Variants in RFPL2 observed in about 807,000 individuals in gnomAD.
RFPL2 encodes the protein ret finger protein like 2.
A neutral mutation model predicts 17.8 loss-of-function variants in RFPL2; 13 were observed. The observed-to-expected ratio is 0.73, with a 90% CI of 0.47 to 1.16. The LOEUF is 1.16. Ranked by LOEUF, RFPL2 falls within the 50% of genes most tolerant of loss-of-function variation. The probability of loss-of-function intolerance (pLI) is 0.00; values close to 1 mark genes in which losing one functional copy is unlikely to be tolerated. For synonymous variants in RFPL2, 189 were observed against 180.9 expected, an observed-to-expected ratio of 1.04 and a Z score of -0.36; for missense variants, 431 against 479.3, an observed-to-expected ratio of 0.90 and a Z score of 0.94.
At chr22:32,196,173 G>A (rs1923312684) in intron 2 of RFPL2, among the ~76,000 whole-genome samples, 1 of 152,192 alleles carries the variant, frequency 6.6e-6, no homozygotes, top group African/African-American at 2.4e-5. Context: ...TCCAGGCTGA[G>A]ACTCAGGTCT....
At position 32,193,323 on chromosome 22, in the gene RFPL2, G is replaced by A. The variant is rs867325607; in HGVS notation, c.266-131C>T. The A allele has an allele frequency of 3.8e-6, 6 of 1,588,792 alleles. No individual in the cohort carries two copies. The Middle Eastern group carries it at 5.1e-4, about 134-fold the overall frequency. ...TTTGTCACTCCGAGAATAAGACCATGAGTACAAACACTCAAGCACATCCCC... is the reference window on the plus strand; with the variant it reads ...TTTGTCACTCCGAGAATAAGACCATAAGTACAAACACTCAAGCACATCCCC... On this transcript the variant is annotated intron_variant, in intron 3 of 4. Coordinates refer to ENST00000652607, the MANE Select transcript of RFPL2 (RefSeq NM_001394555.1).
In RFPL2 at chr22:32,202,999, G is replaced by C. The variant is rs369098708; in HGVS notation, c.-99-449C>G. ...GCCCCTGCCGCGCTCAGGAAATGCT[G>C]TGCGCCCGCCGCACTTGAGCAAGAA... On this transcript the variant is annotated intron_variant, in intron 1 of 4. Coordinates refer to ENST00000652607, the MANE Select transcript of RFPL2 (RefSeq NM_001394555.1). 6.1e-6 allele frequency: 6 copies of C among 985,870 alleles called. 1 individual carries two copies. The East Asian group carries it at 3.4e-4, about 56-fold the overall frequency. The allele number at this position is 985,870 out of a possible 1,614,324, so 61.1% of individuals were successfully genotyped here. A position where few individuals can be genotyped will look rare whatever the true frequency, so the allele number is the denominator to read the frequency against.
intron 1 of RFPL2, chr22:32,202,917 C>A: frequency 9.0e-6 from 9 of 998,362 alleles, no homozygotes; most frequent in Non-Finnish European, 9.5e-6. Flanking sequence ...GGGTCCCAGG[C>A]GGTCTCTGCA....
intron 1 of RFPL2, chr22:32,203,161 A>G: frequency 1.1e-6 from 1 of 887,658 alleles, no homozygotes; most frequent in Non-Finnish European, 1.3e-6. Context: ...TACATGCAGC[A>G]CCCAATGGCG....
Position 32,202,555 on chromosome 22 carries a change from A to G in RFPL2, c.-99-5T>C. Reference sequence around the variant, plus strand: ...GGCAGACAAAGCCAGAAAAGCCTAGAACAGGATGCAGAGTGGTAACATTAG... The same window carrying G: ...GGCAGACAAAGCCAGAAAAGCCTAGGACAGGATGCAGAGTGGTAACATTAG... On this transcript the variant is annotated splice_region_variant and splice_polypyrimidine_tract_variant and intron_variant, in intron 1 of 4. Coordinates refer to ENST00000652607, the MANE Select transcript of RFPL2 (RefSeq NM_001394555.1). The G allele has an allele frequency of 2.6e-6, 4 of 1,513,310 alleles. No homozygotes were observed. The highest frequency in any genetic ancestry group is 2.8e-5 in the African/African-American group (2 of 72,352). 93.7% of individuals were successfully genotyped at this position (1,513,310 alleles called of 1,614,324 possible).
chr22:32,193,401 C>T, intron 3 of RFPL2: 1 of 1,532,910 alleles, frequency 6.5e-7, no homozygotes, highest in East Asian at 2.3e-5. Context: ...CACGAATCAT[C>T]ACTGTGCTCT....
intron 3 of RFPL2, among the ~76,000 whole-genome samples, chr22:32,193,682 G>C (rs1569349465): frequency 6.6e-6 from 1 of 152,122 alleles, no homozygotes; most frequent in Non-Finnish European, 1.5e-5. Context: ...CCAACATGGG[G>C]AAACCCCATC....
intron 4 of RFPL2, 44 bp downstream of exon 4, chr22:32,192,858 C>G: frequency 6.5e-7 from 1 of 1,549,368 alleles, no homozygotes; most frequent in East Asian, 2.3e-5. Context: ...ATGATTTTTC[C>G]TGGTCTGGTC....
intron 2 of RFPL2, among the ~76,000 whole-genome samples, chr22:32,200,420 C>A (rs996971792): frequency 6.6e-6 from 1 of 152,154 alleles, no homozygotes; most frequent in African/African-American, 2.4e-5. Flanking sequence ...ATTTGACACT[C>A]ACCCTGGGTT....
At chr22:32,196,568 T>C (rs1264826181) in intron 2 of RFPL2, among the ~76,000 whole-genome samples, 2 of 152,196 alleles carry the variant, frequency 1.3e-5, no homozygotes, top group Non-Finnish European at 2.9e-5. Flanking sequence ...TCTGGGTCAC[T>C]CCACATCCAC....
At chr22:32,202,755 T>A in intron 1 of RFPL2, 1 of 1,141,712 alleles carries the variant, frequency 8.8e-7, no homozygotes, top group South Asian at 2.9e-5. Context: ...CAGGAACAGC[T>A]GCAGCCACCC....
chr22:32,203,004 C>T, intron 1 of RFPL2: 2 of 985,888 alleles, frequency 2.0e-6, no homozygotes, highest in Non-Finnish European at 2.4e-6. Flanking sequence ...ATGCTGTGCG[C>T]CCGCCGCACT....
intron 2 of RFPL2, among the ~76,000 whole-genome samples, chr22:32,200,490 G>C (rs115167216): frequency 0.019 from 2,913 of 152,138 alleles, 76 homozygotes; most frequent in African/African-American, 0.061. Flanking sequence ...AGGGGGAGAG[G>C]CTCCCAGACT....
At chr22:32,200,159 C>T (rs563237881) in intron 2 of RFPL2, 32 of 379,232 alleles carry the variant, frequency 8.4e-5, no homozygotes, top group South Asian at 6.1e-4. Context: ...GGAGGTCCCG[C>T]AGCAGCTACA....
At position 32,194,404 on chromosome 22, in the gene RFPL2, G is replaced by A. The variant is rs1028505372; in HGVS notation, c.206C>T (p.Pro69Leu). 2 of 1,608,662 alleles carry A rather than the reference G, an allele frequency of 1.2e-6. No individual in the cohort carries two copies. Among genetic ancestry groups the A allele is most frequent in the Admixed American group, 3.4e-5 (2 of 58,446 alleles). ...CTTCCACTGGGCGCTCAGGTCTTGT[G>A]GGGAAGGGGCACACGAGGGCCTTTT... ...TNKRPSCAPS[P>L]QDLSAQWKQL... Residue 69 changes from proline to leucine, a missense_variant, in exon 3 of 5, where the codon CCA becomes CTA. Transcript: ENST00000652607.
intron 3 of RFPL2, 109 bp downstream of exon 3, chr22:32,194,236 G>T: frequency 7.7e-7 from 1 of 1,298,136 alleles, no homozygotes; most frequent in Non-Finnish European, 1.0e-6. Context: ...CACTCAGACG[G>T]CCTTTGTTGA....
intron 2 of RFPL2, among the ~76,000 whole-genome samples, chr22:32,196,782 A>C (rs1427761988): frequency 1.3e-5 from 2 of 152,256 alleles, no homozygotes; most frequent in African/African-American, 4.8e-5. Context: ...ATGAGACAGC[A>C]GCATAGTGCA....
chr22:32,193,361 T>C (rs916243541), intron 3 of RFPL2, 169 bp from the exon 4 acceptor site: 120 of 1,472,078 alleles, frequency 8.2e-5, no homozygotes, highest in Admixed American at 4.9e-4. Flanking sequence ...ACCCCCCGTC[T>C]TCAGAGATTT....
chr22:32,204,650 C>T (rs1037830054), intron 1 of RFPL2, among the ~76,000 whole-genome samples, 57 bp downstream of exon 1: 10 of 152,378 alleles, frequency 6.6e-5, no homozygotes, highest in South Asian at 2.1e-4. Flanking sequence ...GCGAGCCGAG[C>T]CATGCTGCTG....
Sources: gnomAD v4.1 joint callset for allele counts (sites outside exome capture counted in the v4.1 genomes callset) on GRCh38, gnomAD v4.1.1 for gene constraint, MANE v1.5 for transcripts, NCBI Gene and HGNC (gene_info 2026-07-23, HGNC 2026-07-21) for gene names.